Variants in TPX2 observed in about 807,000 individuals in gnomAD.
TPX2 encodes TPX2 microtubule nucleation factor, also known as targeting protein for Xklp2.
A neutral mutation model predicts 93.6 loss-of-function variants in TPX2; 21 were observed. The ratio of observed to expected loss-of-function variants is 0.22; its 90% CI spans 0.16 to 0.32. The LOEUF is 0.32. Ranked by LOEUF, TPX2 falls within the 10% of genes least tolerant of loss-of-function variation. The probability of loss-of-function intolerance (pLI) is 1.00; values close to 1 mark genes in which losing one functional copy is unlikely to be tolerated. For missense variants in TPX2, 776 were observed against 871.1 expected (o/e 0.89, Z 1.37); for synonymous variants, 281 against 298.3 (o/e 0.94, Z 0.60).
chr20:31,750,374 G>T (rs550467167), intron 2 of TPX2, among the ~76,000 whole-genome samples: 2 of 151,938 alleles, frequency 1.3e-5, no homozygotes, highest in African/African-American at 4.8e-5. Context: ...GGCTGGTCTC[G>T]AACTCCTGAC....
At chr20:31,766,492 T>C in intron 4 of TPX2, 64 bp from the exon 5 acceptor site, 1 of 1,489,354 alleles carries the variant, frequency 6.7e-7, no homozygotes, top group Admixed American at 1.7e-5. Flanking sequence ...TGTGTGTGTG[T>C]GTGTCTCATC....
chr20:31,766,456 T>G lies in TPX2; in HGVS notation c.230-100T>G, dbSNP rs1026057783. 273 of 252,896 alleles carry G rather than the reference T, an allele frequency of 1.1e-3. 1 individual carries two copies. Among genetic ancestry groups the G allele is most frequent in the Non-Finnish European group, 1.4e-3 (221 of 152,792 alleles). The allele number at this position is 252,896 out of a possible 1,614,324, so 15.7% of individuals were successfully genotyped here. A position where few individuals can be genotyped will look rare whatever the true frequency, so the allele number is the denominator to read the frequency against. On this transcript the variant is annotated intron_variant, in intron 4 of 17. Transcript: ENST00000300403. ...TAAGGTTTCTGTGGCTTAGACAGGG[T>G]GTGTGTGTGTGTGTGTGTGTGTGTG...
chr20:31,774,593 A>G (rs1439583877), intron 7 of TPX2, among the ~76,000 whole-genome samples: 2 of 152,238 alleles, frequency 1.3e-5, no homozygotes, highest in Non-Finnish European at 2.9e-5. Flanking sequence ...CCCATTTCAC[A>G]GTGGGGAAAA....
At chr20:31,793,796 G>T (rs1012678837) in intron 13 of TPX2, 52 bp from the exon 14 acceptor site, 1 of 1,470,324 alleles carries the variant, frequency 6.8e-7, no homozygotes, top group Non-Finnish European at 9.1e-7. Context: ...ACATTCTGGG[G>T]AAGTTGGAGA....
intron 2 of TPX2, among the ~76,000 whole-genome samples, chr20:31,747,228 T>G (rs182284958): frequency 6.6e-6 from 1 of 152,194 alleles, no homozygotes; most frequent in Non-Finnish European, 1.5e-5. Context: ...TCAAGCTATT[T>G]TCCTGCCTCA....
At chr20:31,798,672 T>A in intron 17 of TPX2, 120 bp downstream of exon 17, 1 of 1,226,776 alleles carries the variant, frequency 8.2e-7, no homozygotes, top group Non-Finnish European at 1.1e-6. Context: ...AGACAATGAG[T>A]GAAAGGGGGA....
At chr20:31,760,650 G>A (rs939051041) in intron 4 of TPX2, among the ~76,000 whole-genome samples, 1 of 152,140 alleles carries the variant, frequency 6.6e-6, no homozygotes, top group Admixed American at 6.6e-5. Flanking sequence ...GTGAGCTACT[G>A]TTCCCGGGGG....
At chr20:31,769,100 T>C (rs2061947340) in intron 5 of TPX2, among the ~76,000 whole-genome samples, 1 of 152,144 alleles carries the variant, frequency 6.6e-6, no homozygotes, top group Admixed American at 6.5e-5. Flanking sequence ...AGTAGTGTGG[T>C]TACATTATAC....
intron 15 of TPX2, among the ~76,000 whole-genome samples, chr20:31,797,136 AG>A (rs1391227487): frequency 3.3e-5 from 5 of 152,090 alleles, no homozygotes; most frequent in Non-Finnish European, 7.4e-5. Flanking sequence ...TAAACTAAAA[AG>A]AAAAAAAAAA....
At position 31,766,625 on chromosome 20, in the gene TPX2, G is replaced by C. The variant is rs1384513080; in HGVS notation, c.299G>C (p.Cys100Ser). 1.9e-6 allele frequency: 3 copies of C among 1,613,512 alleles called. No individual in the cohort carries two copies. In the Admixed American group the frequency reaches 5.0e-5, roughly 27 times the overall value. The part of the protein sequence containing the change: ...LVEQSIPSNA[C>S]SSLEVEAAIS... ...GAACAATCCATTCCGTCAAATGCTT[G>C]TTCTTCCCTGGAAGTTGAGGCAGCC... The change falls in exon 5 of 18, where the codon TGT (cysteine) becomes TCT (serine). Residue 100 changes from cysteine to serine, a missense_variant. Physicochemically the swap from Cys to Ser is moderately radical, Grantham distance 112. Coordinates refer to ENST00000300403, the MANE Select transcript of TPX2 (RefSeq NM_012112.5).
chr20:31,797,380 T>C, intron 15 of TPX2, 24 bp from the exon 16 acceptor site: 1 of 1,609,576 alleles, frequency 6.2e-7, no homozygotes, highest in Admixed American at 1.7e-5. Context: ...ACATTGCTCA[T>C]CTGACTGACT....
At chr20:31,778,372 A>G (rs2062014636) in intron 9 of TPX2, among the ~76,000 whole-genome samples, 1 of 152,182 alleles carries the variant, frequency 6.6e-6, no homozygotes. Flanking sequence ...AGGCTTCTTC[A>G]TCAGTCTCTT....
chr20:31,746,932 C>T (rs2061786628), intron 2 of TPX2, among the ~76,000 whole-genome samples: 1 of 152,148 alleles, frequency 6.6e-6, no homozygotes, highest in Admixed American at 6.5e-5. Flanking sequence ...TGTAGAACTC[C>T]GCAGGTCTGT....
intron 5 of TPX2, among the ~76,000 whole-genome samples, chr20:31,767,741 A>G (rs2061937014): frequency 6.6e-6 from 1 of 152,038 alleles, no homozygotes; most frequent in African/African-American, 2.4e-5. Context: ...TCTTGTACAG[A>G]CAAGGTTTTA....
intron 2 of TPX2, among the ~76,000 whole-genome samples, chr20:31,753,182 A>G (rs2061830094): frequency 1.3e-5 from 2 of 152,212 alleles, no homozygotes; most frequent in Admixed American, 1.3e-4. Context: ...TTTTCTATGC[A>G]AATAGCTTAA....
chr20:31,770,505 G>T lies in TPX2; in HGVS notation c.485+34G>T, dbSNP rs374623294. The T allele has an allele frequency of 1.6e-5, 25 of 1,535,848 alleles. No homozygotes were observed. The Middle Eastern group carries it at 5.2e-4, about 32-fold the overall frequency. On this transcript the variant is annotated intron_variant, in intron 6 of 17. Coordinates refer to ENST00000300403, the MANE Select transcript of TPX2 (RefSeq NM_012112.5). ...CCACAACTTCTTACTGCCAAGGGCA[G>T]ACATATTGTACCTTGTATACCACTT...
intron 3 of TPX2, among the ~76,000 whole-genome samples, chr20:31,759,704 A>G (rs1340790721): frequency 3.9e-5 from 6 of 152,040 alleles, no homozygotes; most frequent in Admixed American, 3.3e-4. Context: ...GGCTGGTTAC[A>G]GTTTTCTTTA....
At position 31,778,855 on chromosome 20, in the gene TPX2, C is replaced by T. The variant is rs765411502; in HGVS notation, c.925C>T (p.Leu309=). The change falls in exon 10 of 18, where the codon CTG becomes TTG. Residue 309 remains leucine (L), a synonymous_variant. Transcript: ENST00000300403. ...ATGTACCATTGTTAAGCCTTTCAAC[C>T]TGTCCCAAGGAAAGAAAAGAACATT... ...KGCTIVKPFN[L]SQGKKRTFDE... 15 of 1,608,266 alleles carry T rather than the reference C, an allele frequency of 9.3e-6. No individual in the cohort carries two copies. In the African/African-American group the frequency reaches 1.6e-4, roughly 17 times the overall value.
At position 31,798,407 on chromosome 20, in the gene TPX2, C is replaced by T; in HGVS notation, c.1988C>T (p.Ala663Val). 1 of 1,613,990 alleles carries T rather than the reference C, an allele frequency of 6.2e-7. No individual in the cohort carries two copies. The highest frequency in any genetic ancestry group is 8.5e-7 in the Non-Finnish European group (1 of 1,180,014). The change falls in exon 17 of 18, where the codon GCT becomes GTT. Residue 663 changes from alanine (A) to valine (V), a missense_variant. This residue lies in a region of TPX2 where 461 missense variants were observed against 551.2 expected (regional missense o/e 0.84). Coordinates refer to ENST00000300403, the MANE Select transcript of TPX2 (RefSeq NM_012112.5). Reference sequence around the variant, plus strand: ...CTAGTTCAGGAACCTTTTCAGCTGGCTACTGAGAAGAGAGCCAAAGAGCGG... The same window carrying T: ...CTAGTTCAGGAACCTTTTCAGCTGGTTACTGAGAAGAGAGCCAAAGAGCGG... Reference protein sequence around the residue: ...GSLVQEPFQLATEKRAKERQE... With the variant: ...GSLVQEPFQLVTEKRAKERQE...
Sources: allele counts gnomAD v4.1 joint callset (sites outside exome capture counted in the v4.1 genomes callset), GRCh38; gene constraint gnomAD v4.1.1; regional missense constraint gnomAD v4.1.1; transcripts MANE v1.5; gene names NCBI Gene and HGNC (gene_info 2026-07-23, HGNC 2026-07-21).